EPB41L4B: variants seen among roughly 807,000 people sequenced by gnomAD.
EPB41L4B encodes band 4.1-like protein 4B.
EPB41L4B carries 30 observed loss-of-function variants against 112.5 expected under a neutral mutation model. That is an observed-to-expected ratio of 0.27 (90% CI 0.20 to 0.36). The LOEUF is 0.36. Ranked by LOEUF, EPB41L4B falls within the 10% of genes least tolerant of loss-of-function variation. EPB41L4B has a pLI of 1.00. For missense variants in EPB41L4B, 1,024 were observed against 1,133.3 expected (o/e 0.90, Z 1.38); for synonymous variants, 408 against 439.7 (o/e 0.93, Z 0.90).
chr9:109,174,753 A>T (rs560240167), intron 25 of EPB41L4B, 130 bp from the exon 26 acceptor site: 1 of 686,550 alleles, frequency 1.5e-6, no homozygotes, highest in South Asian at 1.9e-5. Flanking sequence ...CTCCTTGAGG[A>T]CTATCTACAT....
chr9:109,303,913 T>C (rs770767597), intron 1 of EPB41L4B, among the ~76,000 whole-genome samples: 3 of 152,294 alleles, frequency 2.0e-5, no homozygotes, highest in Admixed American at 2.0e-4. Context: ...TTTCTCTTCC[T>C]ATTCAAGCAA....
intron 20 of EPB41L4B, 57 bp downstream of exon 20, chr9:109,200,179 C>T: frequency 7.0e-7 from 1 of 1,427,196 alleles, no homozygotes; most frequent in East Asian, 2.3e-5. Context: ...GCATTTGTAT[C>T]TAAACAATTA....
intron 1 of EPB41L4B, among the ~76,000 whole-genome samples, chr9:109,295,178 T>C (rs1162242983): frequency 6.6e-6 from 1 of 152,182 alleles, no homozygotes; most frequent in Non-Finnish European, 1.5e-5. Context: ...ATAAAGGGGA[T>C]GCACTCCTGG....
chr9:109,293,860 G>A (rs1035004735), intron 1 of EPB41L4B, among the ~76,000 whole-genome samples: 5 of 152,140 alleles, frequency 3.3e-5, no homozygotes, highest in African/African-American at 1.2e-4. Context: ...GAAAAGAGGA[G>A]AAGGGGATGT....
intron 4 of EPB41L4B, among the ~76,000 whole-genome samples, chr9:109,265,886 C>T (rs1359517943): frequency 6.6e-6 from 1 of 152,176 alleles, no homozygotes; most frequent in Non-Finnish European, 1.5e-5. Context: ...TTCACACAAC[C>T]TGGGTTAAAA....
chr9:109,307,062 A>T, intron 1 of EPB41L4B: 1 of 191,356 alleles, frequency 5.2e-6, no homozygotes, highest in African/African-American at 2.4e-5. Context: ...AATAGCTGAA[A>T]TAAAACAGTT....
intron 15 of EPB41L4B, among the ~76,000 whole-genome samples, chr9:109,229,941 G>A (rs146529626): frequency 1.4e-3 from 214 of 152,198 alleles, no homozygotes; most frequent in Middle Eastern, 3.4e-3. Context: ...CAGTCCATTC[G>A]CCCGGAACTG....
In EPB41L4B at chr9:109,176,644, A is replaced by G. The variant is rs189046388; in HGVS notation, c.2540T>C (p.Leu847Pro). ...AGGCCTCAGGGTCGCTGCTGGGATCAGCGGGGAAGTCGGGCCAGGACAGCA... is the reference window on the plus strand; with the variant it reads ...AGGCCTCAGGGTCGCTGCTGGGATCGGCGGGGAAGTCGGGCCAGGACAGCA... ...LQCCPGPTSP[L>P]IPAATLRPLT... is the part of the protein sequence containing the mutation. Residue 847 changes from leucine to proline, a missense_variant, in exon 25 of 26, where the codon CTG becomes CCG. Transcript: ENST00000374566. 1.3e-4 allele frequency: 203 copies of G among 1,614,130 alleles called. No individual in the cohort carries two copies. The African/African-American group carries it at 2.3e-3, about 19-fold the overall frequency.
chr9:109,280,301 T>C (rs1249780181), intron 1 of EPB41L4B, among the ~76,000 whole-genome samples: 1 of 152,196 alleles, frequency 6.6e-6, no homozygotes, highest in Non-Finnish European at 1.5e-5. Flanking sequence ...GCAGGCAACC[T>C]TACTTAGGAA....
chr9:109,200,771 ATT>A (rs77573752), intron 19 of EPB41L4B, among the ~76,000 whole-genome samples: 1 of 150,698 alleles, frequency 6.6e-6, no homozygotes, highest in Non-Finnish European at 1.5e-5. Context: ...CACAGACTAT[ATT>A]TTTTTTTTAA....
chr9:109,277,797 A>G (rs1417793245), intron 2 of EPB41L4B, among the ~76,000 whole-genome samples: 1 of 152,160 alleles, frequency 6.6e-6, no homozygotes, highest in Admixed American at 6.5e-5. Context: ...AAAGGGCAGA[A>G]GGAGACCGCT....
At chr9:109,219,209 A>C (rs1833489147) in intron 15 of EPB41L4B, among the ~76,000 whole-genome samples, 1 of 152,100 alleles carries the variant, frequency 6.6e-6, no homozygotes, top group African/African-American at 2.4e-5. Flanking sequence ...TTCTAATGAG[A>C]GTGTTCTGGA....
At chr9:109,312,182 C>T (rs1006900448) in intron 1 of EPB41L4B, among the ~76,000 whole-genome samples, 4 of 152,140 alleles carry the variant, frequency 2.6e-5, no homozygotes, top group Non-Finnish European at 5.9e-5. Flanking sequence ...ATACACCACG[C>T]TTATAAACAT....
chr9:109,207,082 A>T (rs1833012779), intron 18 of EPB41L4B, among the ~76,000 whole-genome samples: 1 of 152,240 alleles, frequency 6.6e-6, no homozygotes, highest in Non-Finnish European at 1.5e-5. Context: ...CAGAAATGCC[A>T]GCGCCAGGCA....
intron 1 of EPB41L4B, among the ~76,000 whole-genome samples, chr9:109,302,008 C>T (rs1836987109): frequency 6.6e-6 from 1 of 152,256 alleles, no homozygotes; most frequent in Non-Finnish European, 1.5e-5. Context: ...ATGCCAGTTC[C>T]TGCACCTAAA....
chr9:109,308,887 G>T (rs1318543244), intron 1 of EPB41L4B, among the ~76,000 whole-genome samples: 1 of 152,136 alleles, frequency 6.6e-6, no homozygotes, highest in Non-Finnish European at 1.5e-5. Flanking sequence ...AGACCAGCCT[G>T]GCCAACATGG....
chr9:109,212,112 C>T (rs1274321506), intron 17 of EPB41L4B, among the ~76,000 whole-genome samples: 1 of 152,134 alleles, frequency 6.6e-6, no homozygotes, highest in Non-Finnish European at 1.5e-5. Flanking sequence ...TAGGCCTTCA[C>T]CCAGAGCAAA....
At chr9:109,225,045 C>T (rs566838904) in intron 15 of EPB41L4B, among the ~76,000 whole-genome samples, 3 of 152,328 alleles carry the variant, frequency 2.0e-5, no homozygotes, top group East Asian at 1.9e-4. Flanking sequence ...AAGTCCTCCT[C>T]AGAACCCCCT....
chr9:109,182,654 C>T (rs1832107513), intron 24 of EPB41L4B, 75 bp downstream of exon 24: 1 of 1,108,000 alleles, frequency 9.0e-7, no homozygotes, highest in Non-Finnish European at 1.4e-6. Context: ...ACCTTGCTGT[C>T]TGGCATCCCG....
Sources: allele counts gnomAD v4.1 joint callset (sites outside exome capture counted in the v4.1 genomes callset), GRCh38; gene constraint gnomAD v4.1.1; transcripts MANE v1.5; gene names NCBI Gene and HGNC (gene_info 2026-07-23, HGNC 2026-07-21).